The following PCCA variants were observed in gnomAD, a reference collection of about 807,000 sequenced individuals.
PCCA encodes the protein propionyl-CoA carboxylase subunit alpha, also known as propionyl-CoA carboxylase alpha chain, mitochondrial.
A neutral mutation model predicts 101.3 loss-of-function variants in PCCA; 74 were observed. That is an observed-to-expected ratio of 0.73 (90% CI 0.61 to 0.89). The LOEUF (loss-of-function observed/expected upper bound fraction) is 0.89. Among genes scored for constraint, PCCA ranks in the 40% least tolerant of loss-of-function variants. The pLI, the probability that PCCA is intolerant of heterozygous loss-of-function variation, is 0.00. For synonymous variants in PCCA, 294 were observed against 313.6 expected (o/e 0.94, Z 0.66); for missense variants, 891 against 907.0 (o/e 0.98, Z 0.23).
At chr13:100,218,377 G>C (rs1377421907) in intron 7 of PCCA, among the ~76,000 whole-genome samples, 2 of 151,318 alleles carry the variant, frequency 1.3e-5, no homozygotes, top group Non-Finnish European at 2.9e-5. Flanking sequence ...GCAGAGACGG[G>C]TTTTCACCAT....
At position 100,337,120 on chromosome 13, in the gene PCCA, C is replaced by A. The variant is rs533638449; in HGVS notation, c.1541-3037C>A. 2.0e-5 allele frequency among the ~76,000 whole-genome samples: 3 copies of A among 152,238 alleles called. No individual in the cohort carries two copies. The South Asian group carries it at 6.2e-4, about 32-fold the overall frequency. ...AATTGGAGAGCTTTTAAAATACTTA[C>A]CGCGCCCCCAAGTTTTAGGTGTGTA... is the stretch of plus-strand genomic sequence containing the variant. On this transcript the variant is annotated intron_variant, in intron 17 of 23. Transcript: ENST00000376285.
chr13:100,217,904 A>G (rs1443553235), intron 7 of PCCA, among the ~76,000 whole-genome samples: 1 of 141,220 alleles, frequency 7.1e-6, no homozygotes, highest in African/African-American at 2.7e-5. Flanking sequence ...TGAAATCCCG[A>G]CTCTACTAAA....
chr13:100,292,959 G>GTGTGTGTC (rs747095100), intron 12 of PCCA, among the ~76,000 whole-genome samples: 2 of 151,726 alleles, frequency 1.3e-5, no homozygotes, highest in Non-Finnish European at 2.9e-5. Flanking sequence ...GTGTGTGTGT[G>GTGTGTGTC]TCTGTTTGTG....
chr13:100,497,768 C>G (rs577704528), intron 21 of PCCA, among the ~76,000 whole-genome samples: 2 of 152,276 alleles, frequency 1.3e-5, no homozygotes, highest in East Asian at 3.9e-4. Flanking sequence ...TTTCCAAGAC[C>G]TGGTAAATTT....
intron 6 of PCCA, among the ~76,000 whole-genome samples, chr13:100,158,704 TCGGCACACTACAGTCCA>T (rs1265927997): frequency 6.6e-6 from 1 of 152,160 alleles, no homozygotes; most frequent in African/African-American, 2.4e-5. Context: ...AGATGAGAGG[TCGGCACACTACAGTCCA>T]CAGGACAAAT....
chr13:100,466,492 G>A (rs1211672713), intron 21 of PCCA, among the ~76,000 whole-genome samples: 1 of 152,246 alleles, frequency 6.6e-6, no homozygotes, highest in East Asian at 1.9e-4. Flanking sequence ...AATTCCTAAG[G>A]TATCCGTGTT....
At chr13:100,303,344 C>A (rs930668308) in intron 14 of PCCA, among the ~76,000 whole-genome samples, 1 of 151,966 alleles carries the variant, frequency 6.6e-6, no homozygotes, top group South Asian at 2.1e-4. Context: ...CGAGTCCAAC[C>A]CTGCTATATA....
chr13:100,141,288 ACT>A (rs1331408613), intron 4 of PCCA, among the ~76,000 whole-genome samples: 6 of 152,080 alleles, frequency 3.9e-5, no homozygotes, highest in African/African-American at 1.4e-4. Flanking sequence ...TTTCGAATGT[ACT>A]CTTTCTCTGT....
intron 4 of PCCA, among the ~76,000 whole-genome samples, chr13:100,122,569 C>G (rs960795081): frequency 4.6e-5 from 7 of 152,138 alleles, no homozygotes; most frequent in Admixed American, 1.3e-4. Context: ...TGTCTTTCTA[C>G]AAATGTGTCC....
intron 18 of PCCA, among the ~76,000 whole-genome samples, chr13:100,353,110 A>G (rs932777547): frequency 1.3e-5 from 2 of 152,256 alleles, no homozygotes; most frequent in Non-Finnish European, 2.9e-5. Context: ...GTATAAACAT[A>G]TATGTACCTA....
intron 10 of PCCA, among the ~76,000 whole-genome samples, chr13:100,267,079 G>A (rs1415187047): frequency 6.6e-6 from 1 of 152,064 alleles, no homozygotes; most frequent in East Asian, 1.9e-4. Flanking sequence ...AAATGAACTG[G>A]GAGACTATAC....
intron 18 of PCCA, among the ~76,000 whole-genome samples, chr13:100,357,232 T>C (rs572660552): frequency 6.6e-6 from 1 of 152,384 alleles, no homozygotes; most frequent in East Asian, 1.9e-4. Context: ...GTATATAGTC[T>C]GTTACACATT....
chr13:100,400,145 G>A (rs1266569949), intron 19 of PCCA, among the ~76,000 whole-genome samples: 2 of 152,210 alleles, frequency 1.3e-5, no homozygotes, highest in Non-Finnish European at 2.9e-5. Context: ...GATTGGCTTT[G>A]AGTGGATAAG....
In PCCA at chr13:100,110,576, C is replaced by CA. The variant is rs1450297999; in HGVS notation, c.184-1264dup. 2.0e-5 allele frequency among the ~76,000 whole-genome samples: 3 copies of CA among 152,318 alleles called. No individual in the cohort carries two copies. In the East Asian group the frequency reaches 5.8e-4, roughly 29 times the overall value. ...AAATTTGGTGGTTATTCAAACTTAA[C>CA]ATTGGATTCAAATGGTGTAATCTGC... On this transcript the variant is annotated intron_variant, in intron 2 of 23. Coordinates refer to ENST00000376285, the MANE Select transcript of PCCA (RefSeq NM_000282.4).
At chr13:100,098,560 T>C (rs1196067319) in intron 1 of PCCA, among the ~76,000 whole-genome samples, 1 of 152,118 alleles carries the variant, frequency 6.6e-6, no homozygotes, top group Non-Finnish European at 1.5e-5. Flanking sequence ...TTGAGGAACA[T>C]GGTCGAGATG....
At chr13:100,193,507 G>T (rs535561178) in intron 6 of PCCA, among the ~76,000 whole-genome samples, 5 of 152,268 alleles carry the variant, frequency 3.3e-5, no homozygotes, top group African/African-American at 1.2e-4. Flanking sequence ...TAGTAATAAA[G>T]TGAGACTTAA....
chr13:100,242,614 AAG>A (rs2061208060), intron 8 of PCCA, among the ~76,000 whole-genome samples: 1 of 152,190 alleles, frequency 6.6e-6, no homozygotes, highest in Non-Finnish European at 1.5e-5. Flanking sequence ...TAACTATTAA[AAG>A]AGGAAAGGAG....
At chr13:100,481,311 AT>A (rs1416490096) in intron 21 of PCCA, among the ~76,000 whole-genome samples, 3 of 152,208 alleles carry the variant, frequency 2.0e-5, no homozygotes, top group African/African-American at 7.2e-5. Flanking sequence ...TAATCCCAGC[AT>A]TTTGGGAGTC....
At chr13:100,148,692 AC>A (rs1357191477) in intron 4 of PCCA, among the ~76,000 whole-genome samples, 1 of 152,174 alleles carries the variant, frequency 6.6e-6, no homozygotes, top group Non-Finnish European at 1.5e-5. Context: ...AAAACAAAAA[AC>A]AAAAAACCCA....
Sources: allele counts gnomAD v4.1 joint callset (sites outside exome capture counted in the v4.1 genomes callset), GRCh38; gene constraint gnomAD v4.1.1; transcripts MANE v1.5; gene names NCBI Gene and HGNC (gene_info 2026-07-23, HGNC 2026-07-21).